The following DOCK1 variants were observed in gnomAD, a reference collection of about 807,000 sequenced individuals.
DOCK1 encodes dedicator of cytokinesis protein 1.
DOCK1 carries 138 observed loss-of-function variants against 262.7 expected under a neutral mutation model. The ratio of observed to expected loss-of-function variants is 0.53; its 90% CI spans 0.46 to 0.61. The LOEUF is 0.61. Ranked by LOEUF, DOCK1 falls within the 20% of genes least tolerant of loss-of-function variation. The pLI is 0.00. For missense variants in DOCK1, 1,908 were observed against 2,370.7 expected, an observed-to-expected ratio of 0.80 and a Z score of 4.05; for synonymous variants, 866 against 867.4, an observed-to-expected ratio of 1.00 and a Z score of 0.03.
intron 27 of DOCK1, among the ~76,000 whole-genome samples, chr10:127,210,229 T>A (rs2057913685): frequency 6.6e-6 from 1 of 152,230 alleles, no homozygotes; most frequent in African/African-American, 2.4e-5. Flanking sequence ...CTCACAGTGC[T>A]GCCATCAGCA....
chr10:126,994,101 A>G (rs1352447317), intron 6 of DOCK1, among the ~76,000 whole-genome samples: 9 of 152,204 alleles, frequency 5.9e-5, no homozygotes, highest in Non-Finnish European at 1.2e-4. Context: ...CTAACGGGTA[A>G]GAGGCACCTA....
At position 127,159,954 on chromosome 10, in the gene DOCK1, C is replaced by T. The variant is rs369730148; in HGVS notation, c.2847+32190C>T. Among the ~76,000 whole-genome samples, 27 of 152,194 alleles carry T rather than the reference C, an allele frequency of 1.8e-4. No individual in the cohort carries two copies. In the South Asian group the frequency reaches 5.4e-3, roughly 30 times the overall value. On this transcript the variant is annotated intron_variant, in intron 27 of 51. Coordinates refer to ENST00000623213, the MANE Select transcript of DOCK1 (RefSeq NM_001290223.2). ...CAGGGAGATCTAAGTCAGCAGGGCCCTGGGTGTTAGGAAGGGTGTTGAGAA... is the reference window on the plus strand; with the variant it reads ...CAGGGAGATCTAAGTCAGCAGGGCCTTGGGTGTTAGGAAGGGTGTTGAGAA...
At chr10:127,399,398 A>T (rs1196543328) in intron 38 of DOCK1, among the ~76,000 whole-genome samples, 1 of 152,176 alleles carries the variant, frequency 6.6e-6, no homozygotes, top group South Asian at 2.1e-4. Context: ...TGGAAGTATG[A>T]ATTACCCACA....
intron 38 of DOCK1, among the ~76,000 whole-genome samples, chr10:127,397,782 A>T (rs1418932456): frequency 6.8e-6 from 1 of 146,240 alleles, no homozygotes; most frequent in Non-Finnish European, 1.5e-5. Context: ...TGACACGGGC[A>T]GTGACTCCTG....
chr10:127,193,081 A>G (rs978332497), intron 27 of DOCK1, among the ~76,000 whole-genome samples: 1 of 152,206 alleles, frequency 6.6e-6, no homozygotes, highest in Admixed American at 6.5e-5. Context: ...AAGTCACCCC[A>G]TAATGTTATG....
intron 27 of DOCK1, chr10:127,153,908 C>T (rs745985733): frequency 3.7e-6 from 6 of 1,613,746 alleles, no homozygotes; most frequent in African/African-American, 2.7e-5. Context: ...TGTCTTGCCC[C>T]GTCCGATATG....
intron 27 of DOCK1, among the ~76,000 whole-genome samples, chr10:127,145,069 T>C (rs981899640): frequency 5.9e-5 from 9 of 152,182 alleles, no homozygotes; most frequent in Admixed American, 2.0e-4. Context: ...TCCGTGACCA[T>C]ACTGGAGAAC....
rs777096693 is a variant in DOCK1, at chr10:127,418,445, C to G, written c.4596C>G (p.His1532Gln). 6.2e-7 allele frequency: 1 copy of G among 1,614,044 alleles called. No individual in the cohort carries two copies. The highest frequency in any genetic ancestry group is 8.5e-7 in the Non-Finnish European group (1 of 1,180,000). ...AGATCAACAGCATGGTGCAGCAGCACCTGGATGACCCCAGCCTGCCCATCA... is the reference window on the plus strand; with the variant it reads ...AGATCAACAGCATGGTGCAGCAGCAGCTGGATGACCCCAGCCTGCCCATCA... ...NDKINSMVQQ[H>Q]LDDPSLPINP... Residue 1532 changes from histidine to glutamine, a missense_variant, in exon 45 of 52, where the codon CAC becomes CAG. Around this residue, in one of 9 missense-constraint regions of DOCK1, gnomAD observed 57 missense variants for 103.1 expected, o/e 0.55. Coordinates refer to ENST00000623213, the MANE Select transcript of DOCK1 (RefSeq NM_001290223.2).
At chr10:127,028,764 G>GC (rs1447158801) in intron 16 of DOCK1, among the ~76,000 whole-genome samples, 3 of 152,210 alleles carry the variant, frequency 2.0e-5, no homozygotes, top group Non-Finnish European at 4.4e-5. Flanking sequence ...CATGAATTAG[G>GC]CAGAGGTATG....
At chr10:127,022,883 C>T (rs1475168749) in intron 13 of DOCK1, among the ~76,000 whole-genome samples, 1 of 152,092 alleles carries the variant, frequency 6.6e-6, no homozygotes, top group Non-Finnish European at 1.5e-5. Context: ...TGCCATGGGT[C>T]ATGGATGCCA....
intron 29 of DOCK1, among the ~76,000 whole-genome samples, chr10:127,301,530 C>A (rs1236053255): frequency 1.3e-5 from 2 of 152,180 alleles, no homozygotes; most frequent in Non-Finnish European, 2.9e-5. Flanking sequence ...ACAGGAATTT[C>A]TCCAGGCTGT....
chr10:126,940,695 C>T (rs959463885), intron 1 of DOCK1, among the ~76,000 whole-genome samples: 17 of 152,194 alleles, frequency 1.1e-4, no homozygotes, highest in Non-Finnish European at 2.2e-4. Context: ...TGAGCCACTG[C>T]GCCTGGCCCA....
At chr10:127,147,754 TG>T (rs1796404421) in intron 27 of DOCK1, among the ~76,000 whole-genome samples, 1 of 151,308 alleles carries the variant, frequency 6.6e-6, no homozygotes, top group African/African-American at 2.4e-5. Flanking sequence ...TGTCCTTGTC[TG>T]GGCACGGTGG....
intron 23 of DOCK1, among the ~76,000 whole-genome samples, chr10:127,083,487 T>C (rs1308532751): frequency 1.3e-5 from 2 of 152,248 alleles, no homozygotes; most frequent in African/African-American, 4.8e-5. Context: ...TATTAAAATA[T>C]GAGTTAATCA....
intron 27 of DOCK1, among the ~76,000 whole-genome samples, chr10:127,162,756 C>T (rs2053697316): frequency 2.0e-5 from 3 of 152,342 alleles, no homozygotes; most frequent in Admixed American, 6.5e-5. Context: ...GCCGACATAA[C>T]GAGCCGGCCT....
chr10:126,960,877 A>T (rs895475024), intron 1 of DOCK1, among the ~76,000 whole-genome samples: 3 of 151,688 alleles, frequency 2.0e-5, no homozygotes, highest in Non-Finnish European at 2.9e-5. Flanking sequence ...CAATAGAAAA[A>T]AAAAAAGAAA....
chr10:127,317,185 G>A (rs1564987335), intron 29 of DOCK1, among the ~76,000 whole-genome samples: 1 of 152,144 alleles, frequency 6.6e-6, no homozygotes, highest in East Asian at 1.9e-4. Flanking sequence ...ATGATCCTGT[G>A]GGTATTGGTG....
intron 27 of DOCK1, among the ~76,000 whole-genome samples, chr10:127,184,316 C>G (rs1237933664): frequency 6.6e-6 from 1 of 150,866 alleles, no homozygotes; most frequent in African/African-American, 2.4e-5. Context: ...AATTCATTCC[C>G]CCCCCAGTCT....
chr10:127,362,277 A>G lies in DOCK1; in HGVS notation c.3432+65A>G, dbSNP rs2064502635. The G allele has an allele frequency of 4.5e-6, 7 of 1,570,278 alleles. No individual in the cohort carries two copies. The East Asian group carries it at 1.1e-4, about 25-fold the overall frequency. ...AGGGAGGCAAACCTGAAAACCTTCA[A>G]AGAAACCTGTAGACAGTTCTAGAGT... On this transcript the variant is annotated intron_variant, in intron 33 of 51. Coordinates refer to ENST00000623213, the MANE Select transcript of DOCK1 (RefSeq NM_001290223.2).
Sources: allele counts gnomAD v4.1 joint callset (sites outside exome capture counted in the v4.1 genomes callset), GRCh38; gene constraint gnomAD v4.1.1; regional missense constraint gnomAD v4.1.1; transcripts MANE v1.5; gene names NCBI Gene and HGNC (gene_info 2026-07-23, HGNC 2026-07-21).